The following PLCH1 variants were observed in gnomAD, a reference collection of about 807,000 sequenced individuals.
PLCH1 encodes the protein 1-phosphatidylinositol 4,5-bisphosphate phosphodiesterase eta-1.
Under a neutral mutation model 126.7 loss-of-function variants are expected in PLCH1, and 60 were observed. The observed-to-expected ratio is 0.47, with a 90% CI of 0.38 to 0.59. The LOEUF is 0.59. Among genes scored for constraint, PLCH1 ranks in the 20% least tolerant of loss-of-function variants. The probability of loss-of-function intolerance (pLI) is 0.00; values close to 1 mark genes in which losing one functional copy is unlikely to be tolerated. For missense variants in PLCH1, 1,723 were observed against 2,040.0 expected, an observed-to-expected ratio of 0.84 and a Z score of 2.99; for synonymous variants, 719 against 734.9, an observed-to-expected ratio of 0.98 and a Z score of 0.35.
At chr3:155,670,448 CAT>C (rs745996776) in intron 2 of PLCH1, among the ~76,000 whole-genome samples, 3 of 152,162 alleles carry the variant, frequency 2.0e-5, no homozygotes, top group Non-Finnish European at 2.9e-5. Flanking sequence ...ATGTAACACA[CAT>C]ATGCAACCAT....
At chr3:155,620,276 T>A (rs182013484) in intron 2 of PLCH1, among the ~76,000 whole-genome samples, 3 of 152,244 alleles carry the variant, frequency 2.0e-5, no homozygotes, top group African/African-American at 7.2e-5. Flanking sequence ...GCATAAAAGA[T>A]TTATTAAGTC....
At chr3:155,575,979 A>G (rs1362351489) in intron 6 of PLCH1, among the ~76,000 whole-genome samples, 3 of 152,142 alleles carry the variant, frequency 2.0e-5, no homozygotes, top group Non-Finnish European at 2.9e-5. Context: ...AGGCGCTTCA[A>G]TGTTCCTGCC....
At chr3:155,697,583 C>G (rs542511371) in intron 2 of PLCH1, among the ~76,000 whole-genome samples, 1 of 152,178 alleles carries the variant, frequency 6.6e-6, no homozygotes, top group Admixed American at 6.5e-5. Context: ...ATCAGCAGGT[C>G]TGAGAAGAGC....
At chr3:155,494,558 A>G (rs1402952771) in intron 15 of PLCH1, 41 bp from the exon 16 acceptor site, 2 of 1,505,676 alleles carry the variant, frequency 1.3e-6, no homozygotes, top group Non-Finnish European at 1.8e-6. Flanking sequence ...TGAGAACTAC[A>G]GCAAAGAAAA....
chr3:155,519,583 C>T (rs1387445827), intron 11 of PLCH1, among the ~76,000 whole-genome samples: 1 of 151,912 alleles, frequency 6.6e-6, no homozygotes, highest in Non-Finnish European at 1.5e-5. Context: ...ACAGTGGGCT[C>T]TACCTGCACT....
chr3:155,500,930 G>C, intron 13 of PLCH1, 136 bp from the exon 14 acceptor site: 1 of 621,900 alleles, frequency 1.6e-6, no homozygotes, highest in Non-Finnish European at 2.9e-6. Flanking sequence ...AAATATTGCA[G>C]CTTGCTTCAG....
intron 2 of PLCH1, among the ~76,000 whole-genome samples, chr3:155,627,326 T>C (rs1015707558): frequency 3.3e-5 from 5 of 152,204 alleles, no homozygotes; most frequent in Non-Finnish European, 7.3e-5. Context: ...CTGTTTGTAA[T>C]GGTTTAAAAA....
intron 4 of PLCH1, among the ~76,000 whole-genome samples, chr3:155,588,992 T>C (rs13085233): frequency 0.045 from 6,871 of 152,314 alleles, 192 homozygotes; most frequent in Middle Eastern, 0.1. Context: ...ATGTTCTTCA[T>C]AATTAAGATA....
At chr3:155,738,364 G>C (rs757513455) in intron 1 of PLCH1, among the ~76,000 whole-genome samples, 5 of 152,212 alleles carry the variant, frequency 3.3e-5, no homozygotes, top group Non-Finnish European at 7.3e-5. Flanking sequence ...CTGGACTGCC[G>C]GGAGTAGTGG....
intron 20 of PLCH1, 54 bp from the exon 21 acceptor site, chr3:155,488,161 C>T: frequency 1.0e-6 from 1 of 966,726 alleles, no homozygotes; most frequent in Non-Finnish European, 1.6e-6. Flanking sequence ...ATTTGGCTTT[C>T]TCATGGGTGC....
At chr3:155,475,812 C>T (rs975764316), downstream of PLCH1, among the ~76,000 whole-genome samples, 2 of 151,916 alleles carry the variant, frequency 1.3e-5, no homozygotes, top group Non-Finnish European at 2.9e-5. Context: ...GAGATCAAAG[C>T]TGTAATAAAA....
intron 8 of PLCH1, 95 bp downstream of exon 8, chr3:155,564,820 G>T: frequency 1.4e-6 from 1 of 733,646 alleles, no homozygotes; most frequent in Non-Finnish European, 2.4e-6. Flanking sequence ...GTGTGAGAGT[G>T]TGTTTTAGGT....
rs370192893 is a variant in PLCH1, at chr3:155,488,649, C to T, written c.2539+11G>A. The stretch of plus-strand genomic sequence containing the variant: ...GGTCAGTCTAGAGAGAAAAGGCCAG[C>T]TCATACCTACCAGGCACTAAGCTGC... On this transcript the variant is annotated intron_variant, in intron 20 of 22. Coordinates refer to ENST00000460012, the MANE Select transcript of PLCH1 (RefSeq NM_014996.4). 3 of 1,606,142 alleles carry T rather than the reference C, an allele frequency of 1.9e-6. No individual in the cohort carries two copies. In the African/African-American group the frequency reaches 4.0e-5, roughly 22 times the overall value.
rs1726794277 is a variant in PLCH1 at position 155,556,178 on chromosome 3, C to T, written c.1070-1982G>A. On this transcript the variant is annotated intron_variant, in intron 8 of 22. Transcript: ENST00000460012. ...GACCGGCCTGGCCAACATGGTGAAACCCCTTCTCCGCTAAAAATACAAAAA... is the reference window on the plus strand; with the variant it reads ...GACCGGCCTGGCCAACATGGTGAAATCCCTTCTCCGCTAAAAATACAAAAA... 2.0e-5 allele frequency among the ~76,000 whole-genome samples: 3 copies of T among 152,272 alleles called. No individual in the cohort carries two copies. In the South Asian group the frequency reaches 6.2e-4, roughly 32 times the overall value.
chr3:155,698,762 G>A (rs1404229527), intron 2 of PLCH1, among the ~76,000 whole-genome samples: 1 of 152,124 alleles, frequency 6.6e-6, no homozygotes, highest in African/African-American at 2.4e-5. Flanking sequence ...GCTTCCCTCT[G>A]TCTAAATCTT....
chr3:155,590,592 T>G (rs1182377481), intron 4 of PLCH1, among the ~76,000 whole-genome samples: 1 of 67,304 alleles, frequency 1.5e-5, no homozygotes, highest in African/African-American at 5.5e-5. Context: ...AAAAAAAAAA[T>G]ACAAAAAATT....
chr3:155,543,157 G>A (rs990008331), intron 10 of PLCH1, among the ~76,000 whole-genome samples: 1 of 152,140 alleles, frequency 6.6e-6, no homozygotes, highest in African/African-American at 2.4e-5. Context: ...TTAGACGAAT[G>A]TATAACTAGA....
chr3:155,544,242 C>G (rs75043735), intron 10 of PLCH1, among the ~76,000 whole-genome samples: 139,147 of 152,144 alleles, frequency 0.91, 64,264 homozygotes, highest in Middle Eastern at 0.98. Context: ...CAATCCTAGT[C>G]TCTGATAAAA....
intron 2 of PLCH1, among the ~76,000 whole-genome samples, chr3:155,648,889 T>A (rs1463868200): frequency 5.9e-5 from 9 of 152,240 alleles, no homozygotes; most frequent in Non-Finnish European, 1.0e-4. Context: ...GAGCCGGCCA[T>A]AAGGCAGGAC....
Sources: gnomAD v4.1 joint callset for allele counts (sites outside exome capture counted in the v4.1 genomes callset) on GRCh38, gnomAD v4.1.1 for gene constraint, MANE v1.5 for transcripts, NCBI Gene and HGNC (gene_info 2026-07-23, HGNC 2026-07-21) for gene names.